Variants in ANKRD17 observed in about 807,000 individuals in gnomAD.
ANKRD17 encodes the protein ankyrin repeat domain-containing protein 17.
A neutral mutation model predicts 229.7 loss-of-function variants in ANKRD17; 19 were observed. The ratio of observed to expected loss-of-function variants is 0.08; its 90% CI spans 0.06 to 0.12. ANKRD17 has a LOEUF of 0.12. Among genes scored for constraint, ANKRD17 ranks in the 10% least tolerant of loss-of-function variants. The probability of loss-of-function intolerance (pLI) is 1.00; values close to 1 mark genes in which losing one functional copy is unlikely to be tolerated. For synonymous variants in ANKRD17, 1,112 were observed against 1,146.1 expected, an observed-to-expected ratio of 0.97 and a Z score of 0.60; for missense variants, 2,176 against 3,176.8, an observed-to-expected ratio of 0.68 and a Z score of 7.57.
intron 4 of ANKRD17, 105 bp from the exon 5 acceptor site, chr4:73,155,883 A>C (rs967687380): frequency 6.8e-7 from 1 of 1,476,776 alleles, no homozygotes; most frequent in Non-Finnish European, 9.1e-7. Context: ...AAGAGCTATA[A>C]GCACACAAAA....
At chr4:73,130,015 T>C (rs1365849978) in intron 16 of ANKRD17, among the ~76,000 whole-genome samples, 1 of 151,946 alleles carries the variant, frequency 6.6e-6, no homozygotes, top group African/African-American at 2.4e-5. Context: ...TCCTCCCACC[T>C]TGGCCTCCCA....
At position 73,248,079 on chromosome 4, in the gene ANKRD17, C is replaced by T. The variant is rs532876317; in HGVS notation, c.393+10197G>A. ...TTGTAATTCAATCTTCATATTTTAA[C>T]ATATCTCCACCTGCATCAATCACAA... On this transcript the variant is annotated intron_variant, in intron 1 of 33. Transcript: ENST00000358602. Among the ~76,000 whole-genome samples, 5 of 152,056 alleles carry T rather than the reference C, an allele frequency of 3.3e-5. No individual in the cohort carries two copies. In the South Asian group the frequency reaches 1.0e-3, roughly 31 times the overall value.
At chr4:73,193,749 C>G (rs924332717) in intron 1 of ANKRD17, among the ~76,000 whole-genome samples, 11 of 152,078 alleles carry the variant, frequency 7.2e-5, no homozygotes, top group Admixed American at 5.2e-4. Flanking sequence ...CCCTGGTCAA[C>G]GTGGCAAAAT....
At chr4:73,170,235 G>A (rs1733797957) in intron 2 of ANKRD17, among the ~76,000 whole-genome samples, 1 of 151,960 alleles carries the variant, frequency 6.6e-6, no homozygotes, top group Admixed American at 6.6e-5. Flanking sequence ...TACAAGCTTA[G>A]CCACAGTAGG....
intron 1 of ANKRD17, among the ~76,000 whole-genome samples, chr4:73,205,822 A>C (rs1181433728): frequency 6.6e-6 from 1 of 152,230 alleles, no homozygotes; most frequent in African/African-American, 2.4e-5. Context: ...AAATGGGAGA[A>C]AATATTTTTA....
intron 11 of ANKRD17, 129 bp downstream of exon 11, chr4:73,144,616 T>C: frequency 2.1e-6 from 1 of 481,936 alleles, no homozygotes. Flanking sequence ...CACTCAATCA[T>C]TAAATGTCAG....
intron 7 of ANKRD17, among the ~76,000 whole-genome samples, 199 bp from the exon 8 acceptor site, chr4:73,149,249 T>C (rs1412316206): frequency 2.6e-5 from 4 of 151,988 alleles, no homozygotes; most frequent in Non-Finnish European, 4.4e-5. Flanking sequence ...GAAATAGAGA[T>C]TGAAAATATA....
At chr4:73,177,758 C>A (rs765573530) in intron 1 of ANKRD17, among the ~76,000 whole-genome samples, 5 of 152,122 alleles carry the variant, frequency 3.3e-5, no homozygotes, top group Non-Finnish European at 7.4e-5. Flanking sequence ...TTCTCATATG[C>A]AGCCTAATTT....
At chr4:73,211,004 T>C (rs1476624923) in intron 1 of ANKRD17, among the ~76,000 whole-genome samples, 2 of 152,132 alleles carry the variant, frequency 1.3e-5, no homozygotes, top group Non-Finnish European at 2.9e-5. Flanking sequence ...TTTTAGAGTA[T>C]ATACTCTAAA....
intron 22 of ANKRD17, among the ~76,000 whole-genome samples, chr4:73,116,522 C>T (rs1376738476): frequency 6.6e-6 from 1 of 152,154 alleles, no homozygotes; most frequent in Admixed American, 6.5e-5. Context: ...TCTGACACAA[C>T]ATCTGAAGTT....
intron 28 of ANKRD17, 133 bp from the exon 29 acceptor site, chr4:73,092,433 G>T: frequency 1.4e-6 from 1 of 716,576 alleles, no homozygotes; most frequent in Non-Finnish European, 2.2e-6. Flanking sequence ...TACAAACAAA[G>T]GACAGATAAC....
At chr4:73,244,467 A>C (rs984966543) in intron 1 of ANKRD17, among the ~76,000 whole-genome samples, 1 of 152,200 alleles carries the variant, frequency 6.6e-6, no homozygotes, top group Non-Finnish European at 1.5e-5. Context: ...ATTAAAAAAA[A>C]TTTAACTCAA....
intron 1 of ANKRD17, among the ~76,000 whole-genome samples, chr4:73,206,404 AAGAG>A (rs1560721514): frequency 1.3e-5 from 2 of 148,856 alleles, no homozygotes; most frequent in Non-Finnish European, 3.0e-5. Context: ...AACAGAAAGA[AAGAG>A]AGAGAGAGAA....
Position 73,091,554 on chromosome 4 carries a change from G to T in ANKRD17, c.6074C>A (p.Thr2025Lys), listed in dbSNP as rs778878171. 1.2e-6 allele frequency: 2 copies of T among 1,614,236 alleles called. No individual in the cohort carries two copies. Among genetic ancestry groups the T allele is most frequent in the Admixed American group, 3.3e-5 (2 of 60,028 alleles). Residue 2025 changes from threonine (T) to lysine (K), a missense_variant, in exon 29 of 34, where the codon ACA becomes AAA. Coordinates refer to ENST00000358602, the MANE Select transcript of ANKRD17 (RefSeq NM_032217.5). ...TTASNNNTAP[T>K]NATYPMPTAK... ...AGTAGGCATAGGATATGTGGCATTTGTGGGTGCAGTGTTGTTGTTGCTTGC... is the reference window on the plus strand; with the variant it reads ...AGTAGGCATAGGATATGTGGCATTTTTGGGTGCAGTGTTGTTGTTGCTTGC...
intron 1 of ANKRD17, among the ~76,000 whole-genome samples, chr4:73,219,022 A>G (rs1368868090): frequency 6.6e-6 from 1 of 152,170 alleles, no homozygotes; most frequent in Non-Finnish European, 1.5e-5. Flanking sequence ...GATAAGAGTC[A>G]CTGCACTCCA....
At chr4:73,140,322 T>C in intron 14 of ANKRD17, 39 bp from the exon 15 acceptor site, 6 of 1,533,354 alleles carry the variant, frequency 3.9e-6, no homozygotes, top group Non-Finnish European at 5.2e-6. Context: ...TGCACATGAA[T>C]GGCATCCTCA....
intron 1 of ANKRD17, among the ~76,000 whole-genome samples, chr4:73,218,698 T>C (rs1741440339): frequency 6.6e-6 from 1 of 151,916 alleles, no homozygotes; most frequent in African/African-American, 2.4e-5. Flanking sequence ...TTCATCTTCT[T>C]CTACTTCTGC....
chr4:73,144,359 A>G (rs1729973761), intron 11 of ANKRD17, among the ~76,000 whole-genome samples: 1 of 152,208 alleles, frequency 6.6e-6, no homozygotes, highest in South Asian at 2.1e-4. Flanking sequence ...GGAAACATAG[A>G]AGCAGGGAAA....
At chr4:73,207,720 G>A (rs1457736445) in intron 1 of ANKRD17, among the ~76,000 whole-genome samples, 1 of 152,148 alleles carries the variant, frequency 6.6e-6, no homozygotes, top group East Asian at 1.9e-4. Context: ...TCAGCAAGAA[G>A]ACATAGTAAC....
Sources: gnomAD v4.1 joint callset for allele counts (sites outside exome capture counted in the v4.1 genomes callset) on GRCh38, gnomAD v4.1.1 for gene constraint, MANE v1.5 for transcripts, NCBI Gene and HGNC (gene_info 2026-07-23, HGNC 2026-07-21) for gene names.